The following P2RY14 variants were observed in gnomAD, a reference collection of about 807,000 sequenced individuals.
P2RY14 encodes purinergic receptor P2Y14, also known as P2Y purinoceptor 14.
P2RY14 carries 2 observed loss-of-function variants against 0.9 expected under a neutral mutation model. The observed-to-expected ratio is 2.16, with a 90% CI of 0.88 to 6.79. The LOEUF (loss-of-function observed/expected upper bound fraction) is 6.79, where lower values mean the gene tolerates loss of function less well. Ranked by LOEUF, P2RY14 falls within the 30% of genes most tolerant of loss-of-function variation. The pLI is 0.05. For missense variants in P2RY14, 378 were observed against 400.1 expected (o/e 0.94, Z 0.47); for synonymous variants, 158 against 147.2 (o/e 1.07, Z -0.53).
chr3:151,264,471 A>G (rs1739462797), intron 1 of P2RY14, among the ~76,000 whole-genome samples: 1 of 152,262 alleles, frequency 6.6e-6, no homozygotes, highest in Non-Finnish European at 1.5e-5. Context: ...CAGAAATTCA[A>G]ACCTGAGCTT....
intron 1 of P2RY14, among the ~76,000 whole-genome samples, chr3:151,224,619 A>G (rs1404856581): frequency 6.6e-6 from 1 of 152,192 alleles, no homozygotes; most frequent in African/African-American, 2.4e-5. Flanking sequence ...CTCTAGGCTC[A>G]GTCAAGGAGA....
At chr3:151,266,166 A>T (rs1045202514) in intron 1 of P2RY14, among the ~76,000 whole-genome samples, 1 of 152,172 alleles carries the variant, frequency 6.6e-6, no homozygotes, top group African/African-American at 2.4e-5. Context: ...TATGCTAATG[A>T]TGCTGCTGCC....
chr3:151,267,911 G>T (rs1294736441), intron 1 of P2RY14, among the ~76,000 whole-genome samples: 1 of 152,106 alleles, frequency 6.6e-6, no homozygotes, highest in Non-Finnish European at 1.5e-5. Flanking sequence ...TGTACGTAGA[G>T]TATTTTATCA....
At chr3:151,270,006 G>A in intron 1 of P2RY14, 1 of 256,200 alleles carries the variant, frequency 3.9e-6, no homozygotes, top group Non-Finnish European at 7.6e-6. Flanking sequence ...GATGAAGAAA[G>A]GGAAGGAGAT....
chr3:151,242,202 C>T (rs534830096), intron 1 of P2RY14, among the ~76,000 whole-genome samples: 1 of 152,322 alleles, frequency 6.6e-6, no homozygotes, highest in East Asian at 1.9e-4. Flanking sequence ...GGGGGAGGGG[C>T]GCCCGCCATT....
At chr3:151,268,387 A>G (rs1740240824) in intron 1 of P2RY14, among the ~76,000 whole-genome samples, 2 of 152,224 alleles carry the variant, frequency 1.3e-5, no homozygotes, top group African/African-American at 4.8e-5. Flanking sequence ...GGAAGAAAAT[A>G]TGGTGAGCAT....
rs147355638 is a variant in P2RY14 at position 151,215,606 on chromosome 3, T to G, written c.-24-1266A>C. On this transcript the variant is annotated intron_variant, in intron 2 of 2. Coordinates refer to ENST00000309170, the MANE Select transcript of P2RY14 (RefSeq NM_014879.4). ...AGGAATCCTGTATATTCTTCACTGATGTCGGAAGTGTTGATTTAGGGCAGA... is the reference window on the plus strand; with the variant it reads ...AGGAATCCTGTATATTCTTCACTGAGGTCGGAAGTGTTGATTTAGGGCAGA... Among the ~76,000 whole-genome samples the G allele has an allele frequency of 2.2e-3, 334 of 152,358 alleles. 7 individuals carry two copies. In the South Asian group the frequency reaches 0.057, roughly 26 times the overall value.
intron 1 of P2RY14, among the ~76,000 whole-genome samples, chr3:151,247,785 T>A (rs1212270156): frequency 7.1e-6 from 1 of 141,682 alleles, no homozygotes; most frequent in Admixed American, 7.1e-5. Context: ...AAAAAAAAAA[T>A]GAATTAGGAC....
intron 1 of P2RY14, among the ~76,000 whole-genome samples, chr3:151,227,458 C>T (rs915499740): frequency 1.3e-5 from 2 of 152,198 alleles, no homozygotes; most frequent in South Asian, 2.1e-4. Context: ...CTGATAACGT[C>T]CAAACATAGT....
intron 1 of P2RY14, among the ~76,000 whole-genome samples, chr3:151,277,513 A>G (rs898666605): frequency 1.3e-5 from 2 of 151,960 alleles, no homozygotes; most frequent in Non-Finnish European, 2.9e-5. Flanking sequence ...TCTTTGATTC[A>G]TTTTCTCCGT....
chr3:151,261,087 G>C (rs1022548790), intron 1 of P2RY14, among the ~76,000 whole-genome samples: 1 of 152,172 alleles, frequency 6.6e-6, no homozygotes, highest in Non-Finnish European at 1.5e-5. Flanking sequence ...GAAGCATCTT[G>C]ATTTTCAGGG....
intron 1 of P2RY14, among the ~76,000 whole-genome samples, chr3:151,257,482 C>T (rs982940736): frequency 1.3e-5 from 2 of 152,218 alleles, no homozygotes; most frequent in African/African-American, 4.8e-5. Context: ...TACTTAACCT[C>T]TCTGTGCTTC....
chr3:151,269,531 G>C (rs1324099301), intron 1 of P2RY14: 1 of 300,114 alleles, frequency 3.3e-6, no homozygotes, highest in Admixed American at 4.3e-5. Flanking sequence ...TTTTGGAAGA[G>C]GTCAAAATTG....
intron 1 of P2RY14, among the ~76,000 whole-genome samples, chr3:151,243,027 T>C (rs971143966): frequency 6.6e-5 from 10 of 151,114 alleles, no homozygotes; most frequent in African/African-American, 2.2e-4. Flanking sequence ...CGATGGAAGA[T>C]GAAATGAATG....
chr3:151,271,017 C>CAA (rs56917310), intron 1 of P2RY14, among the ~76,000 whole-genome samples: 7 of 144,042 alleles, frequency 4.9e-5, no homozygotes, highest in African/African-American at 1.8e-4. Flanking sequence ...ACCCAAAAAC[C>CAA]AAAAAAAAAA....
intron 1 of P2RY14, among the ~76,000 whole-genome samples, chr3:151,230,723 A>G (rs76295452): frequency 6.6e-6 from 1 of 152,198 alleles, no homozygotes; most frequent in Non-Finnish European, 1.5e-5. Flanking sequence ...AATAAAAAAA[A>G]GTAATAAAAT....
At chr3:151,262,980 C>T (rs980767710) in intron 1 of P2RY14, among the ~76,000 whole-genome samples, 1 of 152,118 alleles carries the variant, frequency 6.6e-6, no homozygotes, top group African/African-American at 2.4e-5. Flanking sequence ...TTCTCTAGGG[C>T]ATCTTAACAT....
At chr3:151,255,709 T>TG (rs773105350) in intron 1 of P2RY14, among the ~76,000 whole-genome samples, 1 of 152,168 alleles carries the variant, frequency 6.6e-6, no homozygotes, top group Non-Finnish European at 1.5e-5. Flanking sequence ...ACAGCGAACT[T>TG]GTTTACTCCA....
chr3:151,252,898 G>C (rs1920395), intron 1 of P2RY14, among the ~76,000 whole-genome samples: 2 of 151,800 alleles, frequency 1.3e-5, no homozygotes, highest in Non-Finnish European at 2.9e-5. Flanking sequence ...TTGATTTAAA[G>C]CAATGACTGT....
Sources: allele counts gnomAD v4.1 joint callset (sites outside exome capture counted in the v4.1 genomes callset), GRCh38; gene constraint gnomAD v4.1.1; transcripts MANE v1.5; gene names NCBI Gene and HGNC (gene_info 2026-07-23, HGNC 2026-07-21).